Variants in ACYP2 observed in about 807,000 individuals in gnomAD.
ACYP2 encodes acylphosphatase-2.
Under a neutral mutation model 11.2 loss-of-function variants are expected in ACYP2, and 12 were observed. That is an observed-to-expected ratio of 1.08 (90% CI 0.69 to 1.74). The LOEUF is 1.74. Ranked by LOEUF, ACYP2 falls within the 40% of genes most tolerant of loss-of-function variation. The pLI is 0.00. For synonymous variants in ACYP2, 43 were observed against 32.2 expected, an observed-to-expected ratio of 1.33 and a Z score of -1.13; for missense variants, 134 against 101.9, an observed-to-expected ratio of 1.31 and a Z score of -1.35.
At chr2:54,017,248 G>A (rs1342518688) in intron 2 of ACYP2, among the ~76,000 whole-genome samples, 8 of 137,774 alleles carry the variant, frequency 5.8e-5, no homozygotes, top group Non-Finnish European at 7.5e-5. Context: ...CATATTGGCC[G>A]TTAAGTTTCT....
intron 6 of ACYP2, among the ~76,000 whole-genome samples, chr2:54,197,533 G>C (rs979550057): frequency 1.3e-5 from 2 of 152,164 alleles, no homozygotes; most frequent in Admixed American, 6.5e-5. Flanking sequence ...GCTCTGAGAA[G>C]ACAGAACGAA....
intron 6 of ACYP2, among the ~76,000 whole-genome samples, chr2:54,239,723 G>C (rs1178671156): frequency 6.6e-6 from 1 of 152,094 alleles, no homozygotes; most frequent in African/African-American, 2.4e-5. Context: ...AATTTAATAT[G>C]ATTCTTACTT....
At chr2:54,293,137 A>G (rs1689382045) in intron 6 of ACYP2, among the ~76,000 whole-genome samples, 1 of 152,186 alleles carries the variant, frequency 6.6e-6, no homozygotes, top group African/African-American at 2.4e-5. Flanking sequence ...CAGATGAGGC[A>G]CTGAGAGTTT....
At chr2:54,255,567 GGGCCCGGGCCCGGGCCCA>G (rs766116667) in intron 6 of ACYP2, 41 of 1,176,968 alleles carry the variant, frequency 3.5e-5, no homozygotes, top group Admixed American at 2.5e-4. Flanking sequence ...CCACGTTCAG[GGGCCCGGGCCCGGGCCCA>G]GGCCCTGCCT....
intron 4 of ACYP2, among the ~76,000 whole-genome samples, chr2:54,103,452 GT>G (rs1256605610): frequency 1.3e-5 from 2 of 151,704 alleles, no homozygotes; most frequent in African/African-American, 2.4e-5. Context: ...TGCTGGAAAT[GT>G]TTTTTTTCCA....
intron 4 of ACYP2, among the ~76,000 whole-genome samples, chr2:54,117,405 C>T (rs1679872381): frequency 1.3e-5 from 2 of 152,206 alleles, no homozygotes; most frequent in South Asian, 4.1e-4. Flanking sequence ...AAGTGATCTT[C>T]TGCCTCAGCC....
chr2:53,977,531 G>C (rs1011671575), intron 2 of ACYP2, among the ~76,000 whole-genome samples: 2 of 151,566 alleles, frequency 1.3e-5, no homozygotes. Flanking sequence ...TCAAGAGTTT[G>C]AGACCAGCCT....
chr2:54,297,827 A>G (rs751567265), intron 6 of ACYP2, among the ~76,000 whole-genome samples: 4 of 152,242 alleles, frequency 2.6e-5, no homozygotes, highest in Non-Finnish European at 4.4e-5. Context: ...TTTTAGTGAG[A>G]AACTTAAAGA....
At chr2:54,142,327 C>T (rs1681652535) in intron 6 of ACYP2, 3 of 158,038 alleles carry the variant, frequency 1.9e-5, no homozygotes, top group African/African-American at 4.8e-5. Flanking sequence ...AACTAAAATC[C>T]CTATTTATTT....
chr2:54,202,292 A>T (rs1173012749), intron 6 of ACYP2, among the ~76,000 whole-genome samples: 2 of 137,380 alleles, frequency 1.5e-5, no homozygotes, highest in African/African-American at 5.3e-5. Flanking sequence ...TATTTTCAGT[A>T]GAGACGGAGT....
intron 6 of ACYP2, among the ~76,000 whole-genome samples, chr2:54,195,465 T>C (rs572577936): frequency 9.0e-4 from 137 of 152,224 alleles, no homozygotes; most frequent in African/African-American, 3.1e-3. Flanking sequence ...GGGTGGTTTT[T>C]CTCTTACGTA....
chr2:54,207,743 T>C (rs1685141278), intron 6 of ACYP2, among the ~76,000 whole-genome samples: 1 of 152,184 alleles, frequency 6.6e-6, no homozygotes, highest in Non-Finnish European at 1.5e-5. Context: ...GAATAGGACA[T>C]GAAACAAAAG....
intron 6 of ACYP2, among the ~76,000 whole-genome samples, chr2:54,191,022 A>G (rs1485421308): frequency 2.6e-5 from 4 of 152,130 alleles, no homozygotes; most frequent in African/African-American, 9.7e-5. Context: ...TGCAAAATAT[A>G]TCTGGAATCT....
intron 6 of ACYP2, among the ~76,000 whole-genome samples, chr2:54,233,611 C>G (rs1682133): frequency 2.0e-5 from 3 of 152,020 alleles, no homozygotes; most frequent in African/African-American, 4.8e-5. Context: ...TGGCCCCAAA[C>G]ATTTTCTTAT....
At chr2:54,221,335 A>C (rs1431114637) in intron 6 of ACYP2, among the ~76,000 whole-genome samples, 1 of 152,200 alleles carries the variant, frequency 6.6e-6, no homozygotes, top group African/African-American at 2.4e-5. Flanking sequence ...GACTGATATG[A>C]CCATTACTAT....
chr2:54,257,786 A>C (rs1444134227), intron 6 of ACYP2, among the ~76,000 whole-genome samples: 1 of 152,236 alleles, frequency 6.6e-6, no homozygotes, highest in South Asian at 2.1e-4. Context: ...CTTAGATGAA[A>C]TATATGGCTT....
At position 54,230,339 on chromosome 2, in the gene ACYP2, C is replaced by T. The variant is rs115319481; in HGVS notation, c.405-74349C>T. 5.3e-3 allele frequency among the ~76,000 whole-genome samples: 812 copies of T among 152,218 alleles called. 4 individuals are homozygous for T. Among genetic ancestry groups the T allele is most frequent in the African/African-American group, 0.019 (785 of 41,528 alleles). The stretch of plus-strand genomic sequence containing the variant: ...ACAATAAAAGTTGGTCTCCACAATC[C>T]TTTACCTTTTTTTTGTTTCGTTTTT... On this transcript the variant is annotated intron_variant, in intron 6 of 6. Transcript: ENST00000607452.
intron 6 of ACYP2, among the ~76,000 whole-genome samples, chr2:54,181,194 C>A (rs775886840): frequency 1.4e-4 from 21 of 152,078 alleles, no homozygotes; most frequent in Non-Finnish European, 2.8e-4. Flanking sequence ...TCAAGGGAGT[C>A]GGATAACTAA....
At chr2:54,283,818 TA>T (rs1156856480) in intron 6 of ACYP2, among the ~76,000 whole-genome samples, 2 of 152,176 alleles carry the variant, frequency 1.3e-5, no homozygotes, top group Non-Finnish European at 2.9e-5. Flanking sequence ...CTATTAACAT[TA>T]AAAAACTATC....
Sources: allele counts gnomAD v4.1 joint callset (sites outside exome capture counted in the v4.1 genomes callset), GRCh38; gene constraint gnomAD v4.1.1; transcripts MANE v1.5; gene names NCBI Gene and HGNC (gene_info 2026-07-23, HGNC 2026-07-21).